Variants in ASIC2 observed in about 807,000 individuals in gnomAD.
ASIC2 encodes the protein acid-sensing ion channel 2.
In ASIC2, 25 loss-of-function variants were observed where a neutral mutation model predicts 57.3. The ratio of observed to expected loss-of-function variants is 0.44; its 90% confidence interval spans 0.32 to 0.61. The LOEUF (loss-of-function observed/expected upper bound fraction) is 0.61, where lower values mean the gene tolerates loss of function less well. ASIC2 is among the 20% of genes least tolerant of loss of function. ASIC2 has a pLI of 0.06. For missense variants in ASIC2, 641 were observed against 738.1 expected, an observed-to-expected ratio of 0.87 and a Z score of 1.52; for synonymous variants, 319 against 307.5, an observed-to-expected ratio of 1.04 and a Z score of -0.39.
intron 1 of ASIC2, among the ~76,000 whole-genome samples, chr17:33,734,134 G>A (rs1480754241): frequency 6.6e-6 from 1 of 152,148 alleles, no homozygotes; most frequent in Non-Finnish European, 1.5e-5. Context: ...ATCTGCGCCA[G>A]GCTCTCTGCC....
chr17:33,055,402 C>T (rs1480511733), intron 3 of ASIC2, among the ~76,000 whole-genome samples: 1 of 152,186 alleles, frequency 6.6e-6, no homozygotes, highest in Admixed American at 6.5e-5. Flanking sequence ...TACCAAGGGC[C>T]TCTGGGGTCA....
At chr17:33,668,419 A>G (rs1046023900) in intron 1 of ASIC2, among the ~76,000 whole-genome samples, 2 of 151,638 alleles carry the variant, frequency 1.3e-5, no homozygotes, top group Admixed American at 6.6e-5. Flanking sequence ...GAAGCTGCCC[A>G]CATCCTGTGG....
At chr17:33,390,056 T>C (rs1909835651) in intron 1 of ASIC2, among the ~76,000 whole-genome samples, 2 of 152,052 alleles carry the variant, frequency 1.3e-5, no homozygotes, top group Non-Finnish European at 2.9e-5. Flanking sequence ...TTCACGTCTG[T>C]AATTCCAGTA....
chr17:33,630,034 C>G (rs1906110277), intron 1 of ASIC2, among the ~76,000 whole-genome samples: 1 of 152,152 alleles, frequency 6.6e-6, no homozygotes, highest in South Asian at 2.1e-4. Context: ...CTGTTAAGCC[C>G]TTTATGGGAC....
At chr17:33,871,652 T>G (rs1914413193) in intron 1 of ASIC2, among the ~76,000 whole-genome samples, 1 of 152,110 alleles carries the variant, frequency 6.6e-6, no homozygotes. Context: ...GCAGCCTCCT[T>G]AGTAAGGTGG....
At chr17:33,150,351 G>C (rs1245622923) in intron 1 of ASIC2, among the ~76,000 whole-genome samples, 2 of 152,178 alleles carry the variant, frequency 1.3e-5, no homozygotes, top group African/African-American at 4.8e-5. Flanking sequence ...CCTACTTGCT[G>C]TTCAGGGAAT....
At chr17:33,681,753 C>A (rs1248319380) in intron 1 of ASIC2, among the ~76,000 whole-genome samples, 2 of 152,170 alleles carry the variant, frequency 1.3e-5, no homozygotes, top group Non-Finnish European at 2.9e-5. Flanking sequence ...CTGTGTTATT[C>A]TGGTGTCGTG....
At chr17:33,923,229 C>T (rs926389646) in intron 1 of ASIC2, among the ~76,000 whole-genome samples, 2 of 152,154 alleles carry the variant, frequency 1.3e-5, no homozygotes, top group Non-Finnish European at 2.9e-5. Flanking sequence ...GAAAATGAGG[C>T]CATTCCTCTC....
intron 3 of ASIC2, among the ~76,000 whole-genome samples, chr17:33,051,162 G>A (rs1034180310): frequency 6.6e-6 from 1 of 152,120 alleles, no homozygotes; most frequent in Non-Finnish European, 1.5e-5. Context: ...AGGATGCTTT[G>A]CCAAGGGTCT....
chr17:33,068,897 T>C (rs1025215226), intron 3 of ASIC2, among the ~76,000 whole-genome samples: 1 of 149,442 alleles, frequency 6.7e-6, no homozygotes, highest in Admixed American at 6.6e-5. Context: ...TTTGCTCTTC[T>C]TTTTTTTTAG....
chr17:33,781,828 T>G (rs565311673), intron 1 of ASIC2, among the ~76,000 whole-genome samples: 18 of 152,298 alleles, frequency 1.2e-4, no homozygotes, highest in African/African-American at 4.3e-4. Context: ...GCATCCTTGA[T>G]TCTTCCTTTA....
In ASIC2 at chr17:33,659,871, CAAATAAATAAAT is replaced by C. The variant is rs145561483; in HGVS notation, c.555+496095_555+496106del. ...TGGGTGACAGAGCGAGACTCTGTCT[CAAATAAATAAAT>C]AAATAAATAAATAAATAAATAAATA... On this transcript the variant is annotated intron_variant, in intron 1 of 9. Coordinates refer to the ASIC2 transcript ENST00000359872. Among the ~76,000 whole-genome samples the C allele has an allele frequency of 7.8e-3, 1,045 of 133,274 alleles. 15 individuals are homozygous for C. The highest frequency in any genetic ancestry group is 0.025 in the African/African-American group (864 of 35,202). The allele number at this position is 133,274 out of a possible 152,430, so 87.4% of individuals were successfully genotyped here.
chr17:33,097,912 C>T (rs2092190027), intron 2 of ASIC2, among the ~76,000 whole-genome samples: 1 of 152,134 alleles, frequency 6.6e-6, no homozygotes, highest in Admixed American at 6.5e-5. Context: ...CAGGGAAAGC[C>T]CAAGGCCAGG....
intron 1 of ASIC2, among the ~76,000 whole-genome samples, chr17:33,631,870 G>A (rs1055488852): frequency 6.6e-6 from 1 of 152,166 alleles, no homozygotes; most frequent in Admixed American, 6.5e-5. Flanking sequence ...TATTTGATAA[G>A]AAAGATAAGA....
At chr17:33,459,152 G>A (rs1050840076) in intron 1 of ASIC2, among the ~76,000 whole-genome samples, 8 of 151,586 alleles carry the variant, frequency 5.3e-5, no homozygotes, top group South Asian at 2.1e-4. Flanking sequence ...TTTGATCATC[G>A]TCACATGGTT....
At chr17:33,325,752 T>A (rs542314790) in intron 1 of ASIC2, among the ~76,000 whole-genome samples, 4 of 151,886 alleles carry the variant, frequency 2.6e-5, no homozygotes, top group Non-Finnish European at 5.9e-5. Flanking sequence ...AAGCAAAGGA[T>A]GTGGTGGAGT....
chr17:34,118,540 G>T (rs958940224), intron 1 of ASIC2: 2 of 152,190 alleles, frequency 1.3e-5, no homozygotes, highest in Non-Finnish European at 2.9e-5. Flanking sequence ...GACCAGCCAC[G>T]TTCTTGGCCA....
intron 1 of ASIC2, among the ~76,000 whole-genome samples, chr17:34,044,106 A>ACACACACACACACACACACGCACG (rs66954521): frequency 1.6e-5 from 2 of 126,970 alleles, no homozygotes; most frequent in Non-Finnish European, 3.2e-5. Context: ...TGAATCACAC[A>ACACACACACACACACACACGCACG]CACACACACA....
chr17:33,776,798 T>A (rs192861328), intron 1 of ASIC2, among the ~76,000 whole-genome samples: 1 of 152,224 alleles, frequency 6.6e-6, no homozygotes, highest in Non-Finnish European at 1.5e-5. Context: ...GGCTTCGTGA[T>A]AGAATTTGAG....
Sources: gnomAD v4.1 joint callset for allele counts (sites outside exome capture counted in the v4.1 genomes callset) on GRCh38, gnomAD v4.1.1 for gene constraint, MANE v1.5 for transcripts, NCBI Gene and HGNC (gene_info 2026-07-23, HGNC 2026-07-21) for gene names.